Variants in NBEA observed in about 807,000 individuals in gnomAD.
The protein encoded by NBEA is lysosomal-trafficking regulator 2.
A neutral mutation model predicts 343.4 loss-of-function variants in NBEA; 44 were observed. That is an observed-to-expected ratio of 0.13 (90% CI 0.10 to 0.16). The LOEUF is 0.16. NBEA is among the 10% of genes least tolerant of loss of function. NBEA has a pLI of 1.00. For missense variants in NBEA, 2,555 were observed against 3,631.3 expected, an observed-to-expected ratio of 0.70 and a Z score of 7.62; for synonymous variants, 1,175 against 1,238.7, an observed-to-expected ratio of 0.95 and a Z score of 1.08.
intron 36 of NBEA, among the ~76,000 whole-genome samples, chr13:35,340,370 C>G (rs2039520597): frequency 6.6e-6 from 1 of 152,030 alleles, no homozygotes. Context: ...AGGACAAATA[C>G]TGCATGATTC....
Position 35,554,864 on chromosome 13 carries a change from CTAAGAAG to C in NBEA, c.6807-122_6807-116del. ...AATTAAAATATATTTTCTAATTCAT[CTAAGAAG>C]GATAAACCATAAATTATTTTAAGTT... On this transcript the variant is annotated intron_variant, in intron 43 of 58. Coordinates refer to ENST00000379939, the MANE Select transcript of NBEA (RefSeq NM_001385012.1). 6.6e-6 allele frequency: 3 copies of C among 457,946 alleles called. No individual in the cohort carries two copies. In the East Asian group the frequency reaches 1.0e-4, roughly 15 times the overall value. 28.4% of individuals were successfully genotyped at this position (457,946 alleles called of 1,614,324 possible).
intron 34 of NBEA, among the ~76,000 whole-genome samples, chr13:35,262,944 A>G (rs1054263915): frequency 6.6e-6 from 1 of 152,186 alleles, no homozygotes; most frequent in African/African-American, 2.4e-5. Flanking sequence ...AGTCCCAATA[A>G]TGTGTTCTGC....
chr13:35,403,547 G>A (rs920207256), intron 38 of NBEA, among the ~76,000 whole-genome samples: 35 of 151,984 alleles, frequency 2.3e-4, no homozygotes, highest in African/African-American at 6.5e-4. Context: ...AAACTGGCTA[G>A]CCATATGTAG....
intron 38 of NBEA, among the ~76,000 whole-genome samples, chr13:35,401,461 GAGTACCCAAACAGTAAAC>G (rs2043000423): frequency 6.6e-6 from 1 of 151,974 alleles, no homozygotes; most frequent in South Asian, 2.1e-4. Flanking sequence ...AGGAAATGTT[GAGTACCCAAACAGTAAAC>G]AGTTTTGTTT....
intron 25 of NBEA, 104 bp from the exon 26 acceptor site, chr13:35,171,168 G>T (rs2070435517): frequency 1.1e-6 from 1 of 923,762 alleles, no homozygotes; most frequent in Admixed American, 1.9e-5. Flanking sequence ...ATAAAATATG[G>T]TAAATATACT....
At chr13:35,468,296 A>G (rs1298167842) in intron 40 of NBEA, among the ~76,000 whole-genome samples, 1 of 152,044 alleles carries the variant, frequency 6.6e-6, no homozygotes, top group Non-Finnish European at 1.5e-5. Flanking sequence ...CAGAGCACCA[A>G]CTTCATACAG....
Position 34,987,253 on chromosome 13 carries a change from A to G in NBEA, c.294+44139A>G, listed in dbSNP as rs1273076617. Reference sequence around the variant, plus strand: ...AAAGGATTTTATTTCTCCTTCACTTATGAAGCCTAGTTTGGCTGGATATGA... The same window carrying G: ...AAAGGATTTTATTTCTCCTTCACTTGTGAAGCCTAGTTTGGCTGGATATGA... On this transcript the variant is annotated intron_variant, in intron 1 of 58. Coordinates refer to ENST00000379939, the MANE Select transcript of NBEA (RefSeq NM_001385012.1). Among the ~76,000 whole-genome samples the G allele has an allele frequency of 4.0e-5, 6 of 151,058 alleles. No individual in the cohort carries two copies. In the East Asian group the frequency reaches 1.2e-3, roughly 29 times the overall value.
Position 35,617,585 on chromosome 13 carries a change from G to C in NBEA, c.7450-10496G>C, listed in dbSNP as rs117112017. Reference sequence around the variant, plus strand: ...AGGAAAAGCCCACACTGCTGCCTCTGAGAACTGTCTTAAGCATCAACGCTA... The same window carrying C: ...AGGAAAAGCCCACACTGCTGCCTCTCAGAACTGTCTTAAGCATCAACGCTA... On this transcript the variant is annotated intron_variant, in intron 48 of 58. Transcript: ENST00000379939. Among the ~76,000 whole-genome samples, 127 of 152,304 alleles carry C rather than the reference G, an allele frequency of 8.3e-4. 2 individuals are homozygous for C. The East Asian group carries it at 0.02, about 25-fold the overall frequency.
chr13:35,383,912 A>G (rs2042119294), intron 38 of NBEA, among the ~76,000 whole-genome samples: 1 of 152,064 alleles, frequency 6.6e-6, no homozygotes, highest in Non-Finnish European at 1.5e-5. Context: ...GTAAATGTAT[A>G]GTTTCTTCTA....
chr13:35,161,003 A>G (rs1249448192), intron 22 of NBEA, among the ~76,000 whole-genome samples: 1 of 152,084 alleles, frequency 6.6e-6, no homozygotes, highest in Admixed American at 6.6e-5. Context: ...GTGTCTTTGT[A>G]CTCCAGTAAG....
Position 35,219,414 on chromosome 13 carries a change from T to G in NBEA, c.5648+8235T>G, listed in dbSNP as rs1310890935. ...ATAGAGGGCTTGTTAACATACAGAT[T>G]GCTGGATACCTAATTCAGTAGGACT... is the stretch of plus-strand genomic sequence containing the variant. On this transcript the variant is annotated intron_variant, in intron 33 of 58. Coordinates refer to ENST00000379939, the MANE Select transcript of NBEA (RefSeq NM_001385012.1). Among the ~76,000 whole-genome samples, 3 of 152,136 alleles carry G rather than the reference T, an allele frequency of 2.0e-5. No individual in the cohort carries two copies. In the East Asian group the frequency reaches 5.8e-4, roughly 29 times the overall value.
At chr13:35,456,100 A>G (rs952277621) in intron 40 of NBEA, among the ~76,000 whole-genome samples, 4 of 152,194 alleles carry the variant, frequency 2.6e-5, no homozygotes, top group African/African-American at 9.6e-5. Flanking sequence ...TGGTAAGTTA[A>G]AAACTATGAT....
chr13:35,145,901 G>A (rs1259922229), intron 18 of NBEA, among the ~76,000 whole-genome samples: 3 of 152,150 alleles, frequency 2.0e-5, no homozygotes, highest in Non-Finnish European at 4.4e-5. Context: ...GACTGACATG[G>A]AACTGGGAGG....
intron 41 of NBEA, among the ~76,000 whole-genome samples, chr13:35,491,442 T>G (rs1457906639): frequency 6.6e-6 from 1 of 151,926 alleles, no homozygotes; most frequent in Non-Finnish European, 1.5e-5. Context: ...CAAACTTAGA[T>G]TCCCAATTGA....
intron 34 of NBEA, among the ~76,000 whole-genome samples, chr13:35,245,887 A>G (rs528323748): frequency 1.3e-5 from 2 of 152,134 alleles, no homozygotes; most frequent in East Asian, 3.9e-4. Flanking sequence ...TGTTTTCCAA[A>G]CTTTTAGATT....
intron 35 of NBEA, among the ~76,000 whole-genome samples, chr13:35,295,063 A>G (rs1335964388): frequency 3.3e-5 from 5 of 149,750 alleles, no homozygotes; most frequent in Non-Finnish European, 5.9e-5. Context: ...TAAAAAAAAA[A>G]AATTAAAAAA....
At chr13:35,157,917 T>A (rs530188910) in intron 21 of NBEA, among the ~76,000 whole-genome samples, 16 of 152,248 alleles carry the variant, frequency 1.1e-4, no homozygotes, top group Admixed American at 8.5e-4. Flanking sequence ...AGTTTTGTGA[T>A]TTTAGGAGAC....
rs1362643150 is a variant in NBEA, at chr13:35,159,713, G to A, written c.3542G>A (p.Ser1181Asn). 1.9e-6 allele frequency: 3 copies of A among 1,613,068 alleles called. No homozygotes were observed. In the African/African-American group the frequency reaches 4.0e-5, roughly 22 times the overall value. Residue 1181 changes from serine (S) to asparagine (N), a missense_variant, in exon 22 of 59, where the codon AGT becomes AAT. This residue lies in a region of NBEA where 367 missense variants were observed against 377.5 expected (regional missense o/e 0.97). Coordinates refer to ENST00000379939, the MANE Select transcript of NBEA (RefSeq NM_001385012.1). ...IQDTQVHLGVSDDLGLLAHMT... is the reference protein window; with the variant it reads ...IQDTQVHLGVNDDLGLLAHMT... ...GACACACAAGTACATCTTGGTGTTA[G>A]TGATGATCTTGGATTGCTTGCTCAC...
intron 38 of NBEA, among the ~76,000 whole-genome samples, chr13:35,364,244 C>T (rs921783476): frequency 6.6e-6 from 1 of 151,854 alleles, no homozygotes; most frequent in Non-Finnish European, 1.5e-5. Flanking sequence ...GCCTATACAA[C>T]CCATATACAC....
Sources: allele counts gnomAD v4.1 joint callset (sites outside exome capture counted in the v4.1 genomes callset), GRCh38; gene constraint gnomAD v4.1.1; regional missense constraint gnomAD v4.1.1; transcripts MANE v1.5; gene names NCBI Gene and HGNC (gene_info 2026-07-23, HGNC 2026-07-21).